The following MIAT variants were observed in gnomAD, a reference collection of about 807,000 sequenced individuals.
MIAT encodes the protein MI related novel mRNA.
intron 3 of MIAT, among the ~76,000 whole-genome samples, chr22:26,664,349 T>C (rs1930772695): frequency 6.6e-6 from 1 of 152,210 alleles, no homozygotes; most frequent in African/African-American, 2.4e-5. Flanking sequence ...GTTCAATTCC[T>C]GTTCTATCCA....
At chr22:26,670,701 C>A (rs1367040371), downstream of MIAT, 1 of 395,974 alleles carries the variant, frequency 2.5e-6, no homozygotes, top group Non-Finnish European at 4.4e-6. Flanking sequence ...ATGCTAATGG[C>A]AATTTCAAAT....
rs375288971 is a variant in MIAT, at chr22:26,666,331, C to T, written n.1530C>T. 4.9e-4 allele frequency: 197 copies of T among 398,640 alleles called. 4 individuals are homozygous for T. The South Asian group carries it at 0.023, about 46-fold the overall frequency. 24.7% of individuals were successfully genotyped at this position (398,640 alleles called of 1,614,324 possible). On this transcript the variant is annotated non_coding_transcript_exon_variant, in exon 4 of 6. Coordinates refer to ENST00000643270, the Ensembl canonical transcript of MIAT. ...AGTCCTAGTCCAGCCTCTGGCTCCC[C>T]GAATTTCCTCTGGTGCATGGGGCAT...
chr22:26,668,826 G>C (rs1930947601), exon 6 of MIAT: 1 of 398,742 alleles, frequency 2.5e-6, no homozygotes, highest in Non-Finnish European at 4.4e-6. Flanking sequence ...GGAGGAGCTG[G>C]AGCCTTCCCC....
At chr22:26,665,006 G>A (rs1243448761) in intron 3 of MIAT, among the ~76,000 whole-genome samples, 1 of 152,146 alleles carries the variant, frequency 6.6e-6, no homozygotes, top group African/African-American at 2.4e-5. Context: ...GAAGGCTGAG[G>A]CCAGCGGACT....
At chr22:26,674,191 T>G, downstream of MIAT, 1 of 398,670 alleles carries the variant, frequency 2.5e-6, no homozygotes, top group Non-Finnish European at 4.4e-6. Flanking sequence ...ATAAATTATC[T>G]GAGCTTCCTG....
intron 2 of MIAT, among the ~76,000 whole-genome samples, chr22:26,649,907 G>A (rs143784452): frequency 9.3e-5 from 14 of 150,168 alleles, no homozygotes; most frequent in East Asian, 5.9e-4. Context: ...GCGAGACTCC[G>A]TCTCAAAAAA....
At chr22:26,667,941 G>T in intron 5 of MIAT, 1 of 361,352 alleles carries the variant, frequency 2.8e-6, no homozygotes, top group Admixed American at 4.6e-5. Flanking sequence ...AAAGTGCTGG[G>T]ATTACAGGTG....
chr22:26,663,147 G>A (rs1192119192), intron 2 of MIAT, among the ~76,000 whole-genome samples: 2 of 152,296 alleles, frequency 1.3e-5, no homozygotes, highest in African/African-American at 2.4e-5. Flanking sequence ...GTTGACACTG[G>A]CCTGATCAAA....
intron 2 of MIAT, among the ~76,000 whole-genome samples, chr22:26,648,931 CAGAGAG>C (rs60141294): frequency 1.3e-5 from 2 of 149,094 alleles, no homozygotes; most frequent in Admixed American, 6.7e-5. Flanking sequence ...GAGAGCGAGA[CAGAGAG>C]AGAGAGAGAG....
At chr22:26,665,848 A>C in exon 4 of MIAT, 1 of 398,626 alleles carries the variant, frequency 2.5e-6, no homozygotes, top group Non-Finnish European at 4.4e-6. Context: ...TATTTCACAA[A>C]CATTACCGTC....
chr22:26,649,521 T>C (rs1163490813), intron 2 of MIAT, among the ~76,000 whole-genome samples: 4 of 152,202 alleles, frequency 2.6e-5, no homozygotes, highest in Non-Finnish European at 5.9e-5. Context: ...GGAGCTGTTG[T>C]GTCAATTGGA....
At chr22:26,670,736 A>C (rs1019218240), downstream of MIAT, 1 of 398,346 alleles carries the variant, frequency 2.5e-6, no homozygotes, top group African/African-American at 2.1e-5. Flanking sequence ...CATAGGATGA[A>C]GTGTTCCTTG....
downstream of MIAT, chr22:26,672,082 C>A: frequency 2.5e-6 from 1 of 399,570 alleles, no homozygotes. Context: ...CCGATCATCC[C>A]TTAACAAACT....
At chr22:26,662,791 A>G (rs1470762084) in intron 2 of MIAT, among the ~76,000 whole-genome samples, 1 of 152,204 alleles carries the variant, frequency 6.6e-6, no homozygotes, top group Non-Finnish European at 1.5e-5. Context: ...GGATTCTAAA[A>G]TGCAACAAAT....
chr22:26,672,327 T>C (rs1210173328), downstream of MIAT: 5 of 399,060 alleles, frequency 1.3e-5, no homozygotes, highest in African/African-American at 1.0e-4. Flanking sequence ...ATGTCCCACT[T>C]TGCTGCCCCA....
At chr22:26,661,842 C>T (rs1930672219) in intron 2 of MIAT, among the ~76,000 whole-genome samples, 1 of 137,754 alleles carries the variant, frequency 7.3e-6, no homozygotes, top group Non-Finnish European at 1.6e-5. Flanking sequence ...AGATGGCCAT[C>T]GAGTTTGCAG....
chr22:26,674,929 T>C (rs989892222), exon 5 of MIAT: 2 of 398,300 alleles, frequency 5.0e-6, no homozygotes, highest in Non-Finnish European at 8.8e-6. Context: ...AGTGGGAGAG[T>C]TGGTGAAGTA....
At chr22:26,658,829 G>C (rs1930554292) in intron 2 of MIAT, among the ~76,000 whole-genome samples, 1 of 152,216 alleles carries the variant, frequency 6.6e-6, no homozygotes, top group African/African-American at 2.4e-5. Flanking sequence ...TGAGGGAACG[G>C]CTTTGTTTTT....
intron 2 of MIAT, among the ~76,000 whole-genome samples, chr22:26,659,760 A>T (rs1930591946): frequency 6.7e-6 from 1 of 149,214 alleles, no homozygotes; most frequent in South Asian, 2.1e-4. Context: ...AAAATGCATG[A>T]TAATTGTAAA....
Sources: allele counts gnomAD v4.1 joint callset (sites outside exome capture counted in the v4.1 genomes callset), GRCh38; gene constraint gnomAD v4.1.1; transcripts MANE v1.5; gene names NCBI Gene and HGNC (gene_info 2026-07-23, HGNC 2026-07-21).